Variants in DLGAP1 observed in about 807,000 individuals in gnomAD.
DLGAP1 encodes DLG associated protein 1, also known as disks large-associated protein 1.
Under a neutral mutation model 90.8 loss-of-function variants are expected in DLGAP1, and 11 were observed. The ratio of observed to expected loss-of-function variants is 0.12; its 90% CI spans 0.08 to 0.20. DLGAP1 has a LOEUF of 0.20. DLGAP1 is among the 10% of genes least tolerant of loss of function. DLGAP1 has a pLI of 1.00. For synonymous variants in DLGAP1, 558 were observed against 540.7 expected (o/e 1.03, Z -0.44); for missense variants, 1,050 against 1,333.8 (o/e 0.79, Z 3.31).
At chr18:3,827,464 C>T (rs957942813) in intron 4 of DLGAP1, among the ~76,000 whole-genome samples, 19 of 152,326 alleles carry the variant, frequency 1.2e-4, no homozygotes, top group African/African-American at 4.6e-4. Flanking sequence ...CCATGGGACA[C>T]TAAGTCAGCA....
At chr18:4,118,750 G>A (rs184123855) in intron 2 of DLGAP1, among the ~76,000 whole-genome samples, 136 of 152,180 alleles carry the variant, frequency 8.9e-4, no homozygotes, top group Admixed American at 1.8e-3. Flanking sequence ...TGGGGTGGAA[G>A]GTAAGGGTCA....
rs559274722 is a variant in DLGAP1, at chr18:4,422,320, T to C, written c.-267+32686A>G. 4.0e-4 allele frequency among the ~76,000 whole-genome samples: 61 copies of C among 152,046 alleles called. 1 individual carries two copies. The South Asian group carries it at 0.012, about 29-fold the overall frequency. On this transcript the variant is annotated intron_variant, in intron 1 of 12. Coordinates refer to ENST00000315677, the MANE Select transcript of DLGAP1 (RefSeq NM_004746.4). ...CTGACATATAAAATAATTCACCATATTGTCAAATGAAAAGTTTATAAAATG... is the reference window on the plus strand; with the variant it reads ...CTGACATATAAAATAATTCACCATACTGTCAAATGAAAAGTTTATAAAATG...
chr18:3,787,474 C>T (rs2065509594), intron 5 of DLGAP1, among the ~76,000 whole-genome samples: 1 of 81,634 alleles, frequency 1.2e-5, no homozygotes, highest in African/African-American at 5.3e-5. Flanking sequence ...AAGCGAAACT[C>T]CATCTCAAAA....
intron 5 of DLGAP1, among the ~76,000 whole-genome samples, chr18:3,805,385 T>C (rs1368136818): frequency 6.6e-6 from 1 of 152,170 alleles, no homozygotes; most frequent in Non-Finnish European, 1.5e-5. Flanking sequence ...TCAGAGATAA[T>C]TTTTTAGCAA....
At chr18:3,659,068 A>G (rs1249038292) in intron 7 of DLGAP1, among the ~76,000 whole-genome samples, 1 of 152,066 alleles carries the variant, frequency 6.6e-6, no homozygotes, top group Non-Finnish European at 1.5e-5. Context: ...ATATTTTTAA[A>G]CCCCAAGTCA....
chr18:4,055,201 G>T (rs2075195765), intron 2 of DLGAP1, among the ~76,000 whole-genome samples: 1 of 152,162 alleles, frequency 6.6e-6, no homozygotes, highest in Non-Finnish European at 1.5e-5. Context: ...GGTTTCATCT[G>T]GACATGCATT....
chr18:4,010,957 C>A (rs188208752), intron 2 of DLGAP1, among the ~76,000 whole-genome samples: 2 of 151,850 alleles, frequency 1.3e-5, no homozygotes. Context: ...GAGTAGATCA[C>A]CTGAGGTCAG....
chr18:3,659,694 T>C (rs1168292292), intron 7 of DLGAP1, among the ~76,000 whole-genome samples: 1 of 151,910 alleles, frequency 6.6e-6, no homozygotes, highest in Non-Finnish European at 1.5e-5. Context: ...GCGTCCCGAG[T>C]AGCTGGGACT....
In DLGAP1 at chr18:3,722,791, G is replaced by C. The variant is rs150590645; in HGVS notation, c.1591+6344C>G. On this transcript the variant is annotated intron_variant, in intron 7 of 12. Transcript: ENST00000315677. ...AACTTGGTGCTTGGCAGAAAGAACT[G>C]AGCTTTCCCCGAACTCTAAGAATTC... Among the ~76,000 whole-genome samples, 224 of 152,252 alleles carry C rather than the reference G, an allele frequency of 1.5e-3. 1 individual carries two copies. Among genetic ancestry groups the C allele is most frequent in the Non-Finnish European group, 2.5e-3 (173 of 68,024 alleles).
chr18:3,590,620 C>T (rs536372837), intron 7 of DLGAP1, among the ~76,000 whole-genome samples: 4 of 152,106 alleles, frequency 2.6e-5, no homozygotes, highest in African/African-American at 9.6e-5. Context: ...TCTGGGAGGT[C>T]GAGGCCAGTG....
In DLGAP1 at chr18:4,308,788, C is replaced by T. The variant is rs183392654; in HGVS notation, c.-267+146218G>A. Reference sequence around the variant, plus strand: ...GCAAATCTAATTAACAACACAAAGCCTCAGGCGAAGAAGCTGCTATTCTAC... The same window carrying T: ...GCAAATCTAATTAACAACACAAAGCTTCAGGCGAAGAAGCTGCTATTCTAC... On this transcript the variant is annotated intron_variant, in intron 1 of 12. Transcript: ENST00000315677. Among the ~76,000 whole-genome samples, 47 of 152,260 alleles carry T rather than the reference C, an allele frequency of 3.1e-4. No individual in the cohort carries two copies. The East Asian group carries it at 4.4e-3, about 14-fold the overall frequency.
At chr18:4,052,225 C>T (rs567292882) in intron 2 of DLGAP1, among the ~76,000 whole-genome samples, 1 of 152,338 alleles carries the variant, frequency 6.6e-6, no homozygotes, top group East Asian at 1.9e-4. Context: ...ACTCTAACCC[C>T]ACATTTCCCT....
rs2081120580 is a variant in DLGAP1, at chr18:4,338,514, T to C, written c.-267+116492A>G. On this transcript the variant is annotated intron_variant, in intron 1 of 12. Transcript: ENST00000315677. Reference sequence around the variant, plus strand: ...ATTATATTGATCCTTCAGGCATTCATTTCCTAAATGTGTACTGAGTGCCTA... The same window carrying C: ...ATTATATTGATCCTTCAGGCATTCACTTCCTAAATGTGTACTGAGTGCCTA... Among the ~76,000 whole-genome samples, 3 of 152,194 alleles carry C rather than the reference T, an allele frequency of 2.0e-5. No homozygotes were observed. The South Asian group carries it at 6.2e-4, about 32-fold the overall frequency.
chr18:3,850,666 T>A (rs2069285421), intron 4 of DLGAP1, among the ~76,000 whole-genome samples: 1 of 152,130 alleles, frequency 6.6e-6, no homozygotes, highest in Admixed American at 6.5e-5. Context: ...AAGAAATATG[T>A]TCTGTATATA....
intron 3 of DLGAP1, among the ~76,000 whole-genome samples, chr18:3,955,000 G>T (rs558437886): frequency 6.6e-5 from 10 of 152,292 alleles, no homozygotes; most frequent in Admixed American, 2.6e-4. Flanking sequence ...GCACCAAAGA[G>T]AAGAGAGCTG....
chr18:4,059,793 G>T (rs2075274158), intron 2 of DLGAP1, among the ~76,000 whole-genome samples: 1 of 152,144 alleles, frequency 6.6e-6, no homozygotes, highest in South Asian at 2.1e-4. Context: ...CCCTTAGACA[G>T]GAAATCCTCA....
At position 3,880,150 on chromosome 18, in the gene DLGAP1, T is replaced by TA. The variant is rs992601283; in HGVS notation, c.-72-11_-72-10insT. 1 of 1,318,028 alleles carries TA rather than the reference T, an allele frequency of 7.6e-7. No homozygotes were observed. The highest frequency in any genetic ancestry group is 1.4e-5 in the African/African-American group (1 of 69,196). The allele number at this position is 1,318,028 out of a possible 1,614,324, so 81.6% of individuals were successfully genotyped here. A position where few individuals can be genotyped will look rare whatever the true frequency, so the allele number is the denominator to read the frequency against. ...CGTCTTGGGCAGGGATCTGGGGGAA[T>TA]GAAGAAAAGGGCAAAGTCGTTAACA... On this transcript the variant is annotated splice_polypyrimidine_tract_variant and intron_variant, in intron 3 of 12. Transcript: ENST00000315677.
chr18:4,162,138 T>C (rs1284718007), intron 1 of DLGAP1, among the ~76,000 whole-genome samples: 3 of 152,184 alleles, frequency 2.0e-5, no homozygotes, highest in African/African-American at 4.8e-5. Flanking sequence ...CCTGGAGCTT[T>C]ACATCCTGGC....
At chr18:4,001,200 G>A (rs2074178288) in intron 3 of DLGAP1, among the ~76,000 whole-genome samples, 1 of 151,662 alleles carries the variant, frequency 6.6e-6, no homozygotes, top group Admixed American at 6.6e-5. Flanking sequence ...CTAAAATTTT[G>A]GAATAAGTTT....
Sources: gnomAD v4.1 joint callset for allele counts (sites outside exome capture counted in the v4.1 genomes callset) on GRCh38, gnomAD v4.1.1 for gene constraint, MANE v1.5 for transcripts, NCBI Gene and HGNC (gene_info 2026-07-23, HGNC 2026-07-21) for gene names.